Variants in SEC63 observed in about 807,000 individuals in gnomAD.
SEC63 encodes the protein SEC63 protein translocation regulator, also known as translocation protein SEC63 homolog.
A neutral mutation model predicts 116.2 loss-of-function variants in SEC63; 56 were observed. The observed-to-expected ratio is 0.48, with a 90% CI of 0.39 to 0.60. SEC63 has a LOEUF of 0.60. SEC63 is among the 20% of genes least tolerant of loss of function. The pLI, the probability that SEC63 is intolerant of heterozygous loss-of-function variation, is 0.00. For synonymous variants in SEC63, 273 were observed against 294.6 expected, an observed-to-expected ratio of 0.93 and a Z score of 0.75; for missense variants, 668 against 900.0, an observed-to-expected ratio of 0.74 and a Z score of 3.30.
chr6:107,932,417 T>C (rs1010882191), intron 1 of SEC63, among the ~76,000 whole-genome samples: 2 of 152,210 alleles, frequency 1.3e-5, no homozygotes, highest in Admixed American at 1.3e-4. Context: ...ACCACCATGC[T>C]TAGATGAAGT....
chr6:107,952,676 TGAATCTG>T (rs1770605094), intron 1 of SEC63, among the ~76,000 whole-genome samples: 1 of 152,062 alleles, frequency 6.6e-6, no homozygotes, highest in Admixed American at 6.6e-5. Flanking sequence ...GAGAACTGCT[TGAATCTG>T]GGAGGTGGAG....
chr6:107,923,763 T>C (rs1360549085), intron 3 of SEC63, among the ~76,000 whole-genome samples: 1 of 149,926 alleles, frequency 6.7e-6, no homozygotes, highest in Non-Finnish European at 1.5e-5. Context: ...CAAGCGATCC[T>C]CCCACCTTAG....
chr6:107,877,699 C>A (rs774400845), intron 18 of SEC63, among the ~76,000 whole-genome samples: 3 of 152,154 alleles, frequency 2.0e-5, no homozygotes, highest in Non-Finnish European at 4.4e-5. Context: ...ATTTAGGCCT[C>A]CCAAAGTGCT....
At chr6:107,901,218 A>G (rs953563313) in intron 13 of SEC63, 152 bp downstream of exon 13, 3 of 757,604 alleles carry the variant, frequency 4.0e-6, no homozygotes, top group African/African-American at 1.7e-5. Flanking sequence ...TCATTTTCCA[A>G]CATAGTAAAT....
At chr6:107,910,698 C>A (rs1033851610) in intron 7 of SEC63, among the ~76,000 whole-genome samples, 1 of 151,940 alleles carries the variant, frequency 6.6e-6, no homozygotes, top group South Asian at 2.1e-4. Flanking sequence ...ATATGTCATA[C>A]ATATATACAT....
intron 16 of SEC63, among the ~76,000 whole-genome samples, chr6:107,885,826 G>C (rs1786513903): frequency 6.6e-6 from 1 of 151,940 alleles, no homozygotes; most frequent in Admixed American, 6.6e-5. Flanking sequence ...GAATGAACTA[G>C]AGTCCATAAA....
chr6:107,903,726 G>A (rs1277037098), intron 11 of SEC63, among the ~76,000 whole-genome samples: 1 of 152,124 alleles, frequency 6.6e-6, no homozygotes, highest in Admixed American at 6.5e-5. Context: ...CATGACATAT[G>A]AATCACTTTT....
chr6:107,943,482 A>G (rs138563309), intron 1 of SEC63, among the ~76,000 whole-genome samples: 1 of 152,354 alleles, frequency 6.6e-6, no homozygotes, highest in African/African-American at 2.4e-5. Context: ...TCAAACTGTT[A>G]CAAGTCTCCA....
chr6:107,924,986 A>T, intron 2 of SEC63, 54 bp from the exon 3 acceptor site: 1 of 1,034,962 alleles, frequency 9.7e-7, no homozygotes, highest in Non-Finnish European at 1.5e-6. Context: ...CATAGAGTCT[A>T]AAGACATTAT....
intron 6 of SEC63, among the ~76,000 whole-genome samples, chr6:107,911,802 T>A (rs1279969781): frequency 1.3e-5 from 2 of 152,242 alleles, no homozygotes; most frequent in African/African-American, 2.4e-5. Context: ...GGTATTTATA[T>A]ATCCACAACC....
chr6:107,888,160 T>C (rs996468463), intron 16 of SEC63, among the ~76,000 whole-genome samples: 13 of 152,348 alleles, frequency 8.5e-5, no homozygotes, highest in East Asian at 1.9e-4. Context: ...TGGGATAGCA[T>C]TGAATCTATA....
At chr6:107,906,266 G>A (rs1787146748) in intron 10 of SEC63, among the ~76,000 whole-genome samples, 182 bp downstream of exon 10, 1 of 152,132 alleles carries the variant, frequency 6.6e-6, no homozygotes, top group African/African-American at 2.4e-5. Flanking sequence ...GGCCTCCCCA[G>A]CCATGCTTCC....
chr6:107,948,297 A>G (rs1583779807), intron 1 of SEC63, among the ~76,000 whole-genome samples: 2 of 152,210 alleles, frequency 1.3e-5, no homozygotes, highest in East Asian at 3.8e-4. Context: ...CTGGCATAAG[A>G]CAGAGTTGAG....
At chr6:107,924,065 C>T (rs1036365908) in intron 3 of SEC63, among the ~76,000 whole-genome samples, 2 of 151,272 alleles carry the variant, frequency 1.3e-5, no homozygotes, top group African/African-American at 4.9e-5. Flanking sequence ...GAGATTGAGA[C>T]CATCCTGGCT....
rs1786998931 is a variant in SEC63 at position 107,901,380 on chromosome 6, T to G, written c.1347A>C (p.Ile449=). ...AAACCTCCCACTTACCCTGTGATTT[T>G]ATATCCATGGTCACATATGGAAAAC... ...LGSFPYVTMD[I]KSQVLDDEDS... Residue 449 remains isoleucine (I), a synonymous_variant, in exon 13 of 21, where the codon ATA becomes ATC. Transcript: ENST00000369002. 1.2e-6 allele frequency: 2 copies of G among 1,612,882 alleles called. No homozygotes were observed. The highest frequency in any genetic ancestry group is 1.7e-6 in the Non-Finnish European group (2 of 1,179,748).
At chr6:107,935,831 A>T (rs916118700) in intron 1 of SEC63, among the ~76,000 whole-genome samples, 91 of 152,330 alleles carry the variant, frequency 6.0e-4, no homozygotes, top group African/African-American at 2.2e-3. Flanking sequence ...AAACACATCA[A>T]TTAAATGTTA....
intron 16 of SEC63, among the ~76,000 whole-genome samples, chr6:107,891,940 A>AGAG (rs1786692312): frequency 6.6e-6 from 1 of 152,214 alleles, no homozygotes; most frequent in Admixed American, 6.5e-5. Flanking sequence ...GCTTCGTCCC[A>AGAG]GAGGGGCACT....
At chr6:107,915,580 A>ATC (rs1396852059) in intron 4 of SEC63, among the ~76,000 whole-genome samples, 1 of 152,194 alleles carries the variant, frequency 6.6e-6, no homozygotes, top group East Asian at 1.9e-4. Flanking sequence ...CTATCTAGAT[A>ATC]ATGAACCAGA....
intron 16 of SEC63, 171 bp from the exon 17 acceptor site, chr6:107,883,317 A>C: frequency 1.4e-6 from 1 of 704,182 alleles, no homozygotes; most frequent in Non-Finnish European, 2.3e-6. Flanking sequence ...AAGATGTGGG[A>C]GTCAGACTAA....
Sources: gnomAD v4.1 joint callset for allele counts (sites outside exome capture counted in the v4.1 genomes callset) on GRCh38, gnomAD v4.1.1 for gene constraint, MANE v1.5 for transcripts, NCBI Gene and HGNC (gene_info 2026-07-23, HGNC 2026-07-21) for gene names.